The following FGGY variants were observed in gnomAD, a reference collection of about 807,000 sequenced individuals.
FGGY encodes the protein FGGY carbohydrate kinase domain containing.
A neutral mutation model predicts 71.3 loss-of-function variants in FGGY; 72 were observed. The observed-to-expected ratio is 1.01, with a 90% confidence interval of 0.84 to 1.23. The LOEUF (loss-of-function observed/expected upper bound fraction) is 1.23, where lower values mean the gene tolerates loss of function less well. FGGY is among the 50% of genes most tolerant of loss of function. The pLI is 0.00. For missense variants in FGGY, 668 were observed against 682.3 expected (o/e 0.98, Z 0.23); for synonymous variants, 251 against 250.3 (o/e 1.00, Z -0.02).
chr1:59,546,074 T>C (rs578080427), intron 7 of FGGY, among the ~76,000 whole-genome samples: 1 of 152,084 alleles, frequency 6.6e-6, no homozygotes, highest in African/African-American at 2.4e-5. Context: ...TGAACTGTTA[T>C]GCCAAGCCTT....
At chr1:59,575,338 A>G (rs1156473331) in intron 8 of FGGY, among the ~76,000 whole-genome samples, 1 of 152,160 alleles carries the variant, frequency 6.6e-6, no homozygotes, top group Non-Finnish European at 1.5e-5. Context: ...TAAGCTTTAC[A>G]TATAAGTGAA....
chr1:59,524,728 G>A (rs1009661193), intron 7 of FGGY, among the ~76,000 whole-genome samples: 50 of 152,138 alleles, frequency 3.3e-4, no homozygotes, highest in African/African-American at 1.1e-3. Flanking sequence ...CGACCTGCCT[G>A]CAGAAAAGAG....
intron 7 of FGGY, among the ~76,000 whole-genome samples, chr1:59,536,363 G>T (rs2095314885): frequency 1.3e-5 from 2 of 152,138 alleles, no homozygotes; most frequent in Admixed American, 1.3e-4. Flanking sequence ...AAAAAGTCCA[G>T]GACCAGATGG....
Position 59,647,017 on chromosome 1 carries a change from A to G in FGGY, c.1221+8642A>G, listed in dbSNP as rs186181352. Among the ~76,000 whole-genome samples, 135 of 152,282 alleles carry G rather than the reference A, an allele frequency of 8.9e-4. 1 individual carries two copies. Among genetic ancestry groups the G allele is most frequent in the African/African-American group, 1.5e-3 (64 of 41,554 alleles). ...CTCCTTTATCTTTCCTATATACACTAAACAACAAGTAAAACCAGGGAATGG... is the reference window on the plus strand; with the variant it reads ...CTCCTTTATCTTTCCTATATACACTGAACAACAAGTAAAACCAGGGAATGG... On this transcript the variant is annotated intron_variant, in intron 11 of 15. Coordinates refer to ENST00000303721, the MANE Select transcript of FGGY (RefSeq NM_018291.5).
chr1:59,333,276 A>G (rs2048851044), intron 2 of FGGY, among the ~76,000 whole-genome samples: 1 of 152,230 alleles, frequency 6.6e-6, no homozygotes, highest in South Asian at 2.1e-4. Flanking sequence ...CTGGGCACAG[A>G]AGCCAATTGG....
At chr1:59,373,618 A>T (rs1017150707) in intron 4 of FGGY, among the ~76,000 whole-genome samples, 1 of 152,146 alleles carries the variant, frequency 6.6e-6, no homozygotes, top group Admixed American at 6.6e-5. Flanking sequence ...AAGCCAAAAG[A>T]ACAAAGCTGG....
At chr1:59,560,004 G>A (rs554048938) in intron 8 of FGGY, among the ~76,000 whole-genome samples, 14 of 152,272 alleles carry the variant, frequency 9.2e-5, no homozygotes, top group Middle Eastern at 3.4e-3. Context: ...TGCACATAGC[G>A]ATTTCCTTCC....
In FGGY at chr1:59,472,480, C is replaced by T. The variant is rs190883538; in HGVS notation, c.670+15404C>T. ...GGCTGAGGAATGCGGGCGCACGGCG[C>T]GGGACTGGCAGGCAGCTCCACCTGC... On this transcript the variant is annotated intron_variant, in intron 6 of 15. Transcript: ENST00000303721. Among the ~76,000 whole-genome samples the T allele has an allele frequency of 1.2e-4, 19 of 152,374 alleles. No homozygotes were observed. The East Asian group carries it at 1.5e-3, about 12-fold the overall frequency.
At chr1:59,332,501 C>T (rs532175369) in intron 2 of FGGY, among the ~76,000 whole-genome samples, 5 of 152,164 alleles carry the variant, frequency 3.3e-5, no homozygotes, top group South Asian at 2.1e-4. Flanking sequence ...TTGGGAATGG[C>T]GATGTTCCTC....
At chr1:59,710,241 C>T (rs562930380) in intron 14 of FGGY, among the ~76,000 whole-genome samples, 27 of 152,168 alleles carry the variant, frequency 1.8e-4, no homozygotes, top group East Asian at 5.8e-4. Flanking sequence ...ACTGGCTAGC[C>T]GTATGCAGAA....
chr1:59,649,209 C>T lies in FGGY; in HGVS notation c.1221+10834C>T, dbSNP rs2097131425. On this transcript the variant is annotated intron_variant, in intron 11 of 15. Transcript: ENST00000303721. ...GATGCCTCCAGCTTTGTTCTTTTGG[C>T]TTAGGATTGACTTGGCAATGCGGGC... Among the ~76,000 whole-genome samples, 9 of 148,128 alleles carry T rather than the reference C, an allele frequency of 6.1e-5. No homozygotes were observed. The South Asian group carries it at 1.5e-3, about 25-fold the overall frequency.
At chr1:59,339,857 A>T in intron 2 of FGGY, 101 bp from the exon 3 acceptor site, 3 of 671,070 alleles carry the variant, frequency 4.5e-6, no homozygotes, top group Non-Finnish European at 7.6e-6. Context: ...TGTTGTAAAG[A>T]TTTTTTTCTA....
At chr1:59,743,466 A>C (rs561514247) in intron 14 of FGGY, among the ~76,000 whole-genome samples, 7 of 152,354 alleles carry the variant, frequency 4.6e-5, no homozygotes, top group Non-Finnish European at 1.0e-4. Context: ...TTGCACAATA[A>C]AAATGACATT....
intron 2 of FGGY, among the ~76,000 whole-genome samples, chr1:59,323,484 A>G (rs1251261481): frequency 6.6e-6 from 1 of 152,258 alleles, no homozygotes; most frequent in Non-Finnish European, 1.5e-5. Flanking sequence ...CCACAGGATA[A>G]GCATGTTACA....
At chr1:59,352,733 T>G (rs2053546649) in intron 4 of FGGY, among the ~76,000 whole-genome samples, 1 of 152,238 alleles carries the variant, frequency 6.6e-6, no homozygotes, top group Non-Finnish European at 1.5e-5. Context: ...GCTTGGTTCT[T>G]CTAGTTCTTT....
intron 5 of FGGY, among the ~76,000 whole-genome samples, chr1:59,410,969 T>C (rs2063523192): frequency 6.6e-6 from 1 of 152,000 alleles, no homozygotes; most frequent in Non-Finnish European, 1.5e-5. Context: ...TTTCTTTCTC[T>C]CCTACCAACA....
intron 8 of FGGY, among the ~76,000 whole-genome samples, chr1:59,593,697 G>A (rs2096485354): frequency 6.6e-6 from 1 of 152,084 alleles, no homozygotes; most frequent in African/African-American, 2.4e-5. Flanking sequence ...CTTTATTGAG[G>A]TGCTTATCAG....
intron 5 of FGGY, among the ~76,000 whole-genome samples, chr1:59,432,266 T>C (rs2067533094): frequency 6.6e-6 from 1 of 152,222 alleles, no homozygotes; most frequent in Non-Finnish European, 1.5e-5. Context: ...TTTGTATTCT[T>C]TATAATAAGC....
intron 1 of FGGY, among the ~76,000 whole-genome samples, chr1:59,311,145 G>C (rs912161608): frequency 1.3e-5 from 2 of 152,126 alleles, no homozygotes; most frequent in African/African-American, 2.4e-5. Flanking sequence ...TTCATTCTCT[G>C]TGTGCCCAGG....
Sources: gnomAD v4.1 joint callset for allele counts (sites outside exome capture counted in the v4.1 genomes callset) on GRCh38, gnomAD v4.1.1 for gene constraint, MANE v1.5 for transcripts, NCBI Gene and HGNC (gene_info 2026-07-23, HGNC 2026-07-21) for gene names.